The following DST variants were observed in gnomAD, a reference collection of about 807,000 sequenced individuals.
The protein encoded by DST is dystonin.
In DST, 253 loss-of-function variants were observed where a neutral mutation model predicts 875.2. The observed-to-expected ratio is 0.29, with a 90% CI of 0.26 to 0.32. The LOEUF (loss-of-function observed/expected upper bound fraction) is 0.32, where lower values mean the gene tolerates loss of function less well. Among genes scored for constraint, DST ranks in the 10% least tolerant of loss-of-function variants. DST has a pLI of 1.00. For missense variants in DST, 8,287 were observed against 9,111.6 expected (o/e 0.91, Z 3.68); for synonymous variants, 3,124 against 3,197.1 (o/e 0.98, Z 0.77).
intron 5 of DST, among the ~76,000 whole-genome samples, chr6:56,705,178 A>C (rs2099328497): frequency 6.6e-6 from 1 of 152,226 alleles, no homozygotes; most frequent in South Asian, 2.1e-4. Context: ...ACAAATGTCA[A>C]AGCAGGTATT....
At chr6:56,806,060 G>A (rs1425923060) in intron 4 of DST, among the ~76,000 whole-genome samples, 1 of 152,190 alleles carries the variant, frequency 6.6e-6, no homozygotes, top group East Asian at 1.9e-4. Flanking sequence ...TTTCAAAACA[G>A]TGGACTTTCT....
Position 56,802,374 on chromosome 6 carries a change from C to T in DST, c.625+49023G>A, listed in dbSNP as rs565406860. ...TAAGTCAACCTTTTAAATTTGGTAA[C>T]GGGAAACTCAGCCAATAACACTTTA... On this transcript the variant is annotated intron_variant, in intron 4 of 103. Coordinates refer to ENST00000680361, the MANE Select transcript of DST (RefSeq NM_001374736.1). Among the ~76,000 whole-genome samples the T allele has an allele frequency of 5.3e-5, 8 of 152,056 alleles. No homozygotes were observed. In the South Asian group the frequency reaches 1.7e-3, roughly 32 times the overall value.
chr6:56,734,212 C>T lies in DST; in HGVS notation c.687+1016G>A, dbSNP rs76951197. Among the ~76,000 whole-genome samples, 1,456 of 152,280 alleles carry T rather than the reference C, an allele frequency of 9.6e-3. 24 individuals carry two copies. Among genetic ancestry groups the T allele is most frequent in the African/African-American group, 0.033 (1,374 of 41,544 alleles). On this transcript the variant is annotated intron_variant, in intron 5 of 103. Coordinates refer to ENST00000680361, the MANE Select transcript of DST (RefSeq NM_001374736.1). Reference sequence around the variant, plus strand: ...GCTTGTGATTCTCAACCAGAGAGTGCGTGATGTGCCCTCCCTGAGGGATAT... The same window carrying T: ...GCTTGTGATTCTCAACCAGAGAGTGTGTGATGTGCCCTCCCTGAGGGATAT...
intron 4 of DST, among the ~76,000 whole-genome samples, chr6:56,809,111 T>C (rs560700908): frequency 6.6e-6 from 1 of 152,162 alleles, no homozygotes; most frequent in South Asian, 2.1e-4. Flanking sequence ...CTCTCAAACC[T>C]CCCCACCTTC....
rs755303806 is a variant in DST at position 56,608,444 on chromosome 6, C to T, written c.6184G>A (p.Val2062Ile). Residue 2062 changes from valine to isoleucine, a missense_variant, in exon 40 of 104, where the codon GTC becomes ATC. Val to Ile is a conservative substitution (Grantham distance 29). This residue lies in a region of DST where 3,138 missense variants were observed against 3,116.6 expected (regional missense o/e 1.01). Coordinates refer to ENST00000680361, the MANE Select transcript of DST (RefSeq NM_001374736.1). Reference sequence around the variant, plus strand: ...ACATAGCCTCGCTGAGCTTCCAGGACCAGAAGAGCACTGCTGGAAGTTATT... The same window carrying T: ...ACATAGCCTCGCTGAGCTTCCAGGATCAGAAGAGCACTGCTGGAAGTTATT... ...DLITSSSALL[V>I]LEAQRGYVGL... 20 of 1,613,682 alleles carry T rather than the reference C, an allele frequency of 1.2e-5. No individual in the cohort carries two copies. The Middle Eastern group carries it at 9.9e-4, about 80-fold the overall frequency.
intron 3 of DST, among the ~76,000 whole-genome samples, chr6:56,872,727 G>T (rs551270478): frequency 8.6e-5 from 13 of 151,840 alleles, no homozygotes; most frequent in Non-Finnish European, 1.8e-4. Context: ...TTTGTTTTGA[G>T]TGGGGGTGTA....
In DST at chr6:56,606,435, A is replaced by G; in HGVS notation, c.8193T>C (p.Asn2731=). The change falls in exon 40 of 104, where the codon AAT becomes AAC. Residue 2731 remains asparagine, a synonymous_variant. Transcript: ENST00000680361. ...LETGSERECT[N]ILEGDESDSL... ...AGTCAGATTCATCACCTTCAAGGAT[A>G]TTTGTGCATTCCCTTTCTGATCCAG... 1 of 1,613,416 alleles carries G rather than the reference A, an allele frequency of 6.2e-7. No individual in the cohort carries two copies. Among genetic ancestry groups the G allele is most frequent in the Non-Finnish European group, 8.5e-7 (1 of 1,179,580 alleles).
At chr6:56,926,658 C>G (rs1807259780) in intron 2 of DST, among the ~76,000 whole-genome samples, 1 of 152,164 alleles carries the variant, frequency 6.6e-6, no homozygotes, top group Admixed American at 6.5e-5. Flanking sequence ...AGGTGTTATT[C>G]CACCTTTTCC....
At chr6:56,755,315 T>C (rs1475507557) in intron 4 of DST, among the ~76,000 whole-genome samples, 8 of 152,104 alleles carry the variant, frequency 5.3e-5, no homozygotes, top group African/African-American at 1.9e-4. Flanking sequence ...GAGACTGACT[T>C]TGATTATGTA....
intron 88 of DST, 117 bp downstream of exon 88, chr6:56,485,195 G>A (rs1031294864): frequency 1.7e-6 from 2 of 1,147,750 alleles, no homozygotes; most frequent in African/African-American, 1.5e-5. Context: ...AATAAAGACT[G>A]TTATGTAGTA....
intron 33 of DST, among the ~76,000 whole-genome samples, chr6:56,627,730 C>T (rs762826190): frequency 2.6e-5 from 4 of 152,142 alleles, no homozygotes; most frequent in Non-Finnish European, 5.9e-5. Context: ...ATTTCTATAC[C>T]TATGATTAAA....
At chr6:56,725,568 G>C (rs1304782633) in intron 5 of DST, among the ~76,000 whole-genome samples, 1 of 152,190 alleles carries the variant, frequency 6.6e-6, no homozygotes, top group Non-Finnish European at 1.5e-5. Context: ...TGATTCTAAG[G>C]AATGGACAAA....
In DST at chr6:56,701,892, C is replaced by T. The variant is rs780894269; in HGVS notation, c.950G>A (p.Arg317His). 48 of 1,592,410 alleles carry T rather than the reference C, an allele frequency of 3.0e-5. No homozygotes were observed. Among genetic ancestry groups the T allele is most frequent in the Non-Finnish European group, 4.1e-5 (48 of 1,162,112 alleles). The change falls in exon 8 of 104, where the codon CGC becomes CAC. Residue 317 changes from arginine (R) to histidine (H), a missense_variant. Around this residue, in one of 10 missense-constraint regions of DST, gnomAD observed 1,160 missense variants for 1,424.3 expected, o/e 0.81. Transcript: ENST00000680361. ...AGTATTTTCAAAACATCATACCTGG[C>T]GTCTTTTCAAATAGTCAAGTGCAAT... ...VQIALDYLKR[R>H]QVKLVNIRND...
At position 56,630,366 on chromosome 6, in the gene DST, A is replaced by C; in HGVS notation, c.4160T>G (p.Leu1387Trp). 6.2e-7 allele frequency: 1 copy of C among 1,612,820 alleles called. No homozygotes were observed. Among genetic ancestry groups the C allele is most frequent in the South Asian group, 1.1e-5 (1 of 91,032 alleles). The change falls in exon 31 of 104, where the codon TTG (leucine) becomes TGG (tryptophan). Residue 1387 changes from leucine to tryptophan, a missense_variant. Physicochemically the swap from Leu to Trp is moderately conservative, Grantham distance 61. This residue lies in a region of DST where 3,138 missense variants were observed against 3,116.6 expected (regional missense o/e 1.01). Coordinates refer to ENST00000680361, the MANE Select transcript of DST (RefSeq NM_001374736.1). ...TGCAGCTTGAGTGTTTTTTAACACC[A>C]AGTTAACAGTTTTCAACCTTAAAAA... Reference protein sequence around the residue: ...TYIDKLKTVNLVLKNTQAAEA... With the variant: ...TYIDKLKTVNWVLKNTQAAEA...
In DST at chr6:56,694,216, T is replaced by TAAAA. The variant is rs10660963; in HGVS notation, c.1047+5433_1047+5436dup. Reference sequence around the variant, plus strand: ...TTCTAACACTGAGTCATAGATATGGTAAAAAAAAAAAAAAATTAGAATAGC... The same window carrying TAAAA: ...TTCTAACACTGAGTCATAGATATGGTAAAAAAAAAAAAAAAAAAATTAGAATAGC... On this transcript the variant is annotated intron_variant, in intron 9 of 103. Transcript: ENST00000680361. Among the ~76,000 whole-genome samples the TAAAA allele has an allele frequency of 3.7e-3, 506 of 138,476 alleles. 3 individuals carry two copies. The highest frequency in any genetic ancestry group is 6.7e-3 in the African/African-American group (257 of 38,640). The allele number at this position is 138,476 out of a possible 152,430, so 90.8% of individuals were successfully genotyped here. A position where few individuals can be genotyped will look rare whatever the true frequency, so the allele number is the denominator to read the frequency against.
chr6:56,913,978 G>A (rs1799804741), intron 2 of DST, among the ~76,000 whole-genome samples: 1 of 152,092 alleles, frequency 6.6e-6, no homozygotes, highest in Non-Finnish European at 1.5e-5. Context: ...CCCATCTCCA[G>A]CTTTGGTTTT....
At chr6:56,741,945 T>TG (rs1173410309) in intron 4 of DST, among the ~76,000 whole-genome samples, 2 of 152,118 alleles carry the variant, frequency 1.3e-5, no homozygotes, top group South Asian at 2.1e-4. Context: ...ATAACAGAAT[T>TG]GGGGGGGAAC....
At position 56,553,096 on chromosome 6, in the gene DST, C is replaced by T. The variant is rs1408470142; in HGVS notation, c.15696G>A (p.Leu5232=). ...VELLNNTANS[L]LSVCEIDKEV... ...CTTTATCTATCTCACAGACACTGAG[C>T]AAGCTATTGGCTGTGTTGTTCAGTA... The change falls in exon 61 of 104, where the codon TTG becomes TTA. Residue 5232 remains leucine, a synonymous_variant. Coordinates refer to ENST00000680361, the MANE Select transcript of DST (RefSeq NM_001374736.1). 2.5e-6 allele frequency: 4 copies of T among 1,613,868 alleles called. No homozygotes were observed. Among genetic ancestry groups the T allele is most frequent in the Non-Finnish European group, 3.4e-6 (4 of 1,179,888 alleles).
In DST at chr6:56,458,847, T is replaced by TA. The variant is rs2094181946; in HGVS notation, c.*157dup. Reference sequence around the variant, plus strand: ...CCAGAATATCTGACAAAAAAAATTATACAGATAAAATAAAAAGACAAATAC... The same window carrying TA: ...CCAGAATATCTGACAAAAAAAATTATAACAGATAAAATAAAAAGACAAATAC... On this transcript the variant is annotated 3_prime_UTR_variant, in exon 104 of 104. Transcript: ENST00000680361. The TA allele has an allele frequency of 1.2e-6, 1 of 802,256 alleles. No individual in the cohort carries two copies. Among genetic ancestry groups the TA allele is most frequent in the Non-Finnish European group, 1.8e-6 (1 of 553,642 alleles). The allele number at this position is 802,256 out of a possible 1,614,324, so 49.7% of individuals were successfully genotyped here. A position where few individuals can be genotyped will look rare whatever the true frequency, so the allele number is the denominator to read the frequency against.
Sources: allele counts gnomAD v4.1 joint callset (sites outside exome capture counted in the v4.1 genomes callset), GRCh38; gene constraint gnomAD v4.1.1; regional missense constraint gnomAD v4.1.1; transcripts MANE v1.5; gene names NCBI Gene and HGNC (gene_info 2026-07-23, HGNC 2026-07-21).